The following WDPCP variants were observed in gnomAD, a reference collection of about 807,000 sequenced individuals.
WDPCP encodes the protein WD repeat containing planar cell polarity effector.
Under a neutral mutation model 93.1 loss-of-function variants are expected in WDPCP, and 71 were observed. The ratio of observed to expected loss-of-function variants is 0.76; its 90% CI spans 0.63 to 0.93. The LOEUF is 0.93. WDPCP is among the 40% of genes least tolerant of loss of function. The pLI is 0.00. For missense variants in WDPCP, 844 were observed against 887.4 expected (o/e 0.95, Z 0.62); for synonymous variants, 315 against 315.0 (o/e 1.00, Z 0.00).
intron 3 of WDPCP, among the ~76,000 whole-genome samples, chr2:63,630,817 A>G (rs1456555687): frequency 6.6e-6 from 1 of 152,212 alleles, no homozygotes; most frequent in Non-Finnish European, 1.5e-5. Flanking sequence ...GTTTTCCTGA[A>G]TATGTACCAA....
chr2:63,531,220 T>C (rs1703814008), intron 1 of WDPCP, among the ~76,000 whole-genome samples: 1 of 152,300 alleles, frequency 6.6e-6, no homozygotes, highest in Admixed American at 6.5e-5. Context: ...ACACCACACC[T>C]CAACGAGGCC....
chr2:63,348,027 T>C (rs1239254921), intron 12 of WDPCP, among the ~76,000 whole-genome samples: 1 of 152,194 alleles, frequency 6.6e-6, no homozygotes, highest in African/African-American at 2.4e-5. Context: ...CATTAGTCTT[T>C]CTCACCTTAA....
At chr2:63,174,484 T>A (rs1673649126) in intron 15 of WDPCP, among the ~76,000 whole-genome samples, 186 bp downstream of exon 15, 1 of 152,356 alleles carries the variant, frequency 6.6e-6, no homozygotes, top group Admixed American at 6.5e-5. Flanking sequence ...ATATTATTTT[T>A]ACATTCACTT....
intron 9 of WDPCP, among the ~76,000 whole-genome samples, chr2:63,415,834 T>C (rs1695376536): frequency 6.6e-6 from 1 of 152,178 alleles, no homozygotes; most frequent in Non-Finnish European, 1.5e-5. Context: ...GGGCAAATGA[T>C]AGTAGAGCCT....
intron 17 of WDPCP, among the ~76,000 whole-genome samples, chr2:63,127,690 T>C (rs1559138825): frequency 7.1e-6 from 1 of 140,218 alleles, no homozygotes; most frequent in East Asian, 2.0e-4. Context: ...TATATATATA[T>C]ATATACGCAC....
At chr2:63,349,707 G>A (rs553447246) in intron 12 of WDPCP, among the ~76,000 whole-genome samples, 1 of 152,230 alleles carries the variant, frequency 6.6e-6, no homozygotes, top group Admixed American at 6.5e-5. Context: ...GAAGCTGTTT[G>A]GCTTAGGAAC....
chr2:63,182,576 T>C (rs900749499), intron 14 of WDPCP, among the ~76,000 whole-genome samples: 3 of 152,034 alleles, frequency 2.0e-5, no homozygotes, highest in Non-Finnish European at 2.9e-5. Context: ...GCATCTATGT[T>C]CATCAGAGAT....
chr2:63,158,044 T>C (rs142672729), intron 15 of WDPCP, among the ~76,000 whole-genome samples: 666 of 152,190 alleles, frequency 4.4e-3, no homozygotes, highest in African/African-American at 0.013. Context: ...CAGTTTATAA[T>C]CTTTTCTGAT....
In WDPCP at chr2:63,523,778, G is replaced by C. The variant is rs528307787; in HGVS notation, c.76-30838C>G. 7.1e-4 allele frequency among the ~76,000 whole-genome samples: 103 copies of C among 145,024 alleles called. 2 individuals are homozygous for C. In the South Asian group the frequency reaches 0.023, roughly 32 times the overall value. On this transcript the variant is annotated intron_variant, in intron 1 of 17. Coordinates refer to ENST00000272321, the MANE Select transcript of WDPCP (RefSeq NM_015910.7). The stretch of plus-strand genomic sequence containing the variant: ...AATACAAAATTCGCTGGGCATGGTG[G>C]CACATGCCTGTAATCCCAGCTACTC...
chr2:63,313,440 G>A, intron 12 of WDPCP, 129 bp from the exon 13 acceptor site: 1 of 954,762 alleles, frequency 1.0e-6, no homozygotes, highest in African/African-American at 1.7e-5. Context: ...TCAAACAGAA[G>A]GGATTTGGCC....
At chr2:63,684,429 T>G (rs1245010928) in intron 2 of WDPCP, 1 of 846,332 alleles carries the variant, frequency 1.2e-6, no homozygotes, top group Non-Finnish European at 2.0e-6. Flanking sequence ...CAGCCACCTC[T>G]GGTGGCTGGA....
At chr2:63,237,274 A>G (rs1351926551) in intron 14 of WDPCP, among the ~76,000 whole-genome samples, 1 of 152,188 alleles carries the variant, frequency 6.6e-6, no homozygotes, top group African/African-American at 2.4e-5. Flanking sequence ...CAAAACCACA[A>G]TGAGATACCA....
intron 3 of WDPCP, among the ~76,000 whole-genome samples, chr2:63,601,249 G>A (rs1485815527): frequency 6.6e-6 from 1 of 152,160 alleles, no homozygotes; most frequent in Non-Finnish European, 1.5e-5. Flanking sequence ...TATCCAGTGA[G>A]AAAAATAACA....
At chr2:63,793,192 G>C (rs1464620047) in intron 2 of WDPCP, among the ~76,000 whole-genome samples, 1 of 151,942 alleles carries the variant, frequency 6.6e-6, no homozygotes, top group African/African-American at 2.4e-5. Flanking sequence ...CACATTTATA[G>C]CACACTATTG....
At chr2:63,649,989 A>C (rs533237094) in intron 3 of WDPCP, among the ~76,000 whole-genome samples, 2 of 152,338 alleles carry the variant, frequency 1.3e-5, no homozygotes, top group South Asian at 4.1e-4. Context: ...CAAAGGCAAT[A>C]AGAGGAGAAG....
intron 2 of WDPCP, among the ~76,000 whole-genome samples, chr2:63,759,565 C>T (rs182505765): frequency 1.3e-5 from 2 of 152,350 alleles, no homozygotes. Context: ...CTTTCTCTCT[C>T]TCAACCTGTC....
chr2:63,593,880 G>T (rs1336467982), intron 3 of WDPCP, among the ~76,000 whole-genome samples: 1 of 152,070 alleles, frequency 6.6e-6, no homozygotes, highest in African/African-American at 2.4e-5. Context: ...AGGAACTGTT[G>T]AAATCTCTGT....
At chr2:63,733,427 C>T (rs1434234151) in intron 2 of WDPCP, among the ~76,000 whole-genome samples, 1 of 146,822 alleles carries the variant, frequency 6.8e-6, no homozygotes, top group Non-Finnish European at 1.5e-5. Context: ...TGGTCTCGAT[C>T]TCCTGACCTC....
chr2:63,398,510 C>T (rs1693915836), intron 10 of WDPCP, among the ~76,000 whole-genome samples: 2 of 152,146 alleles, frequency 1.3e-5, no homozygotes, highest in African/African-American at 4.8e-5. Flanking sequence ...TAATGCCCAA[C>T]ACATTTGTGT....
Sources: allele counts gnomAD v4.1 joint callset (sites outside exome capture counted in the v4.1 genomes callset), GRCh38; gene constraint gnomAD v4.1.1; transcripts MANE v1.5; gene names NCBI Gene and HGNC (gene_info 2026-07-23, HGNC 2026-07-21).